The following E2F6 variants were observed in gnomAD, a reference collection of about 807,000 sequenced individuals.
E2F6 encodes transcription factor E2F6.
Under a neutral mutation model 31.5 loss-of-function variants are expected in E2F6, and 19 were observed. The observed-to-expected ratio is 0.60, with a 90% CI of 0.42 to 0.89. The LOEUF (loss-of-function observed/expected upper bound fraction) is 0.89. E2F6 is among the 40% of genes least tolerant of loss of function. E2F6 has a pLI of 0.00. For missense variants in E2F6, 269 were observed against 341.6 expected (o/e 0.79, Z 1.67); for synonymous variants, 121 against 127.7 (o/e 0.95, Z 0.36).
chr2:11,455,475 C>T, intron 2 of E2F6: 3 of 1,297,682 alleles, frequency 2.3e-6, no homozygotes, highest in Non-Finnish European at 3.0e-6. Context: ...CATTCCTACA[C>T]TTAAGATTAA....
chr2:11,446,674 T>C (rs1670735910), intron 6 of E2F6, 151 bp from the exon 7 acceptor site: 1 of 602,406 alleles, frequency 1.7e-6, no homozygotes, highest in Non-Finnish European at 2.9e-6. Flanking sequence ...GTTAATGGCA[T>C]AAGGCTAATT....
intron 2 of E2F6, chr2:11,455,502 A>T: frequency 1.6e-6 from 2 of 1,285,278 alleles, no homozygotes; most frequent in Non-Finnish European, 1.0e-6. Context: ...GTAAATTAGG[A>T]ATTTAAAAGG....
At position 11,449,928 on chromosome 2, in the gene E2F6, TTAAGTATGACTGCAATAAATCACAGCC is replaced by T; in HGVS notation, c.651+57_651+83del. The T allele has an allele frequency of 4.6e-6, 5 of 1,082,648 alleles. No homozygotes were observed. The South Asian group carries it at 7.0e-5, about 15-fold the overall frequency. The allele number at this position is 1,082,648 out of a possible 1,614,324, so 67.1% of individuals were successfully genotyped here. A position where few individuals can be genotyped will look rare whatever the true frequency, so the allele number is the denominator to read the frequency against. On this transcript the variant is annotated intron_variant, in intron 5 of 6. Transcript: ENST00000381525. ...ACAGTGCACGTGCACACAACGGCTC[TTAAGTATGACTGCAATAAATCACAGCC>T]TAAGCAGTCGGCCCTCATCCCTCTT...
In E2F6 at chr2:11,445,577, C is replaced by T. The variant is rs1219271317; in HGVS notation, c.*900G>A. The T allele has an allele frequency of 6.6e-6, 1 of 152,058 alleles. No homozygotes were observed. Among genetic ancestry groups the T allele is most frequent in the Non-Finnish European group, 1.5e-5 (1 of 67,994 alleles). 9.4% of individuals were successfully genotyped at this position (152,058 alleles called of 1,614,324 possible). A position where few individuals can be genotyped will look rare whatever the true frequency, so the allele number is the denominator to read the frequency against. ...AGCAAGGCTGCATACACAAACATTA[C>T]AAAATCTACTTGCAAAAACCTGAAA... On this transcript the variant is annotated 3_prime_UTR_variant, in exon 7 of 7. Transcript: ENST00000381525.
At chr2:11,463,958 G>GGGGGGGGAAAA (rs56958029) in intron 1 of E2F6, among the ~76,000 whole-genome samples, 1 of 106,360 alleles carries the variant, frequency 9.4e-6, no homozygotes. Flanking sequence ...CGGGGGGGGG[G>GGGGGGGGAAAA]ACAAAAACAA....
At chr2:11,452,114 C>G (rs544395138) in intron 3 of E2F6, among the ~76,000 whole-genome samples, 1 of 152,274 alleles carries the variant, frequency 6.6e-6, no homozygotes, top group South Asian at 2.1e-4. Flanking sequence ...CAATAACACC[C>G]AGCTTCAGCC....
chr2:11,463,575 T>C (rs1671919885), intron 1 of E2F6, among the ~76,000 whole-genome samples: 1 of 152,160 alleles, frequency 6.6e-6, no homozygotes, highest in Non-Finnish European at 1.5e-5. Context: ...TGATCAAATG[T>C]AGATGGTAAC....
At chr2:11,449,875 G>C (rs1386277759) in intron 5 of E2F6, 137 bp downstream of exon 5, 5 of 517,882 alleles carry the variant, frequency 9.7e-6, no homozygotes, top group African/African-American at 7.9e-5. Context: ...AGTTAAATGT[G>C]TGAAGTGCCT....
intron 2 of E2F6, among the ~76,000 whole-genome samples, chr2:11,455,137 G>A (rs186162773): frequency 1.6e-3 from 242 of 152,232 alleles, no homozygotes; most frequent in African/African-American, 5.6e-3. Context: ...CAGTATACAC[G>A]GGCCTCATCT....
In E2F6 at chr2:11,460,555, G is replaced by A. The variant is rs115396705; in HGVS notation, c.109-3322C>T. On this transcript the variant is annotated intron_variant, in intron 1 of 6. Transcript: ENST00000381525. Reference sequence around the variant, plus strand: ...CCAGCTTGCAGCCAGCCTATTGTGGGGCTTCTCAGCCTCCAAAATCATGAG... The same window carrying A: ...CCAGCTTGCAGCCAGCCTATTGTGGAGCTTCTCAGCCTCCAAAATCATGAG... Among the ~76,000 whole-genome samples, 1,146 of 152,206 alleles carry A rather than the reference G, an allele frequency of 7.5e-3. 7 individuals carry two copies. Among genetic ancestry groups the A allele is most frequent in the Admixed American group, 0.012 (180 of 15,288 alleles).
At chr2:11,447,830 C>G (rs1419345726) in intron 5 of E2F6, 56 bp from the exon 6 acceptor site, 1 of 1,575,716 alleles carries the variant, frequency 6.3e-7, no homozygotes, top group African/African-American at 1.4e-5. Flanking sequence ...CATATTTTTT[C>G]ACTCACTAGA....
At chr2:11,446,574 A>G in intron 6 of E2F6, 51 bp from the exon 7 acceptor site, 1 of 1,475,252 alleles carries the variant, frequency 6.8e-7, no homozygotes, top group Non-Finnish European at 9.4e-7. Context: ...CACCTAAGTG[A>G]AGGTCTGATA....
chr2:11,465,667 G>C, intron 1 of E2F6, 105 bp downstream of exon 1: 3 of 1,180,078 alleles, frequency 2.5e-6, no homozygotes, highest in Non-Finnish European at 3.7e-6. Context: ...GGCCCAGGGG[G>C]AGCAGACGAC....
intron 5 of E2F6, among the ~76,000 whole-genome samples, chr2:11,449,802 G>A (rs1458922060): frequency 2.6e-5 from 4 of 152,194 alleles, no homozygotes; most frequent in Admixed American, 1.3e-4. Context: ...ACTCATCTTT[G>A]TGAGCTTTTG....
chr2:11,459,879 G>A (rs144870533), intron 1 of E2F6, among the ~76,000 whole-genome samples: 7 of 133,304 alleles, frequency 5.3e-5, no homozygotes, highest in Non-Finnish European at 1.0e-4. Context: ...GCGAGACTCC[G>A]TCTCAAAAAA....
intron 1 of E2F6, 80 bp downstream of exon 1, chr2:11,465,692 G>C: frequency 1.4e-6 from 2 of 1,454,434 alleles, no homozygotes; most frequent in Middle Eastern, 3.5e-4. Context: ...ACGACGGCCA[G>C]CGGGGTTGGC....
intron 3 of E2F6, 25 bp from the exon 4 acceptor site, chr2:11,451,831 A>C: frequency 6.3e-7 from 1 of 1,596,036 alleles, no homozygotes; most frequent in Non-Finnish European, 8.6e-7. Context: ...AAATGTCAGC[A>C]TCAATACCAA....
At chr2:11,450,967 C>T (rs1453273704) in intron 4 of E2F6, among the ~76,000 whole-genome samples, 1 of 151,960 alleles carries the variant, frequency 6.6e-6, no homozygotes, top group Non-Finnish European at 1.5e-5. Flanking sequence ...AGACAAGGCT[C>T]CCCCAGCCCC....
intron 1 of E2F6, among the ~76,000 whole-genome samples, chr2:11,461,613 G>C (rs557552519): frequency 6.6e-6 from 1 of 152,122 alleles, no homozygotes; most frequent in African/African-American, 2.4e-5. Context: ...TCAGCCTCCC[G>C]AAGTGCTGGG....
Sources: gnomAD v4.1 joint callset for allele counts (sites outside exome capture counted in the v4.1 genomes callset) on GRCh38, gnomAD v4.1.1 for gene constraint, MANE v1.5 for transcripts, NCBI Gene and HGNC (gene_info 2026-07-23, HGNC 2026-07-21) for gene names.